Variants in CACFD1 observed in about 807,000 individuals in gnomAD.
CACFD1 encodes the protein calcium channel flower domain containing 1.
In CACFD1, 26 loss-of-function variants were observed where a neutral mutation model predicts 21.3. The observed-to-expected ratio is 1.22, with a 90% CI of 0.89 to 1.69. CACFD1 has a LOEUF of 1.69. Ranked by LOEUF, CACFD1 falls within the 40% of genes most tolerant of loss-of-function variation. The pLI, the probability that CACFD1 is intolerant of heterozygous loss-of-function variation, is 0.00. For synonymous variants in CACFD1, 121 were observed against 106.6 expected, an observed-to-expected ratio of 1.13 and a Z score of -0.83; for missense variants, 265 against 236.2, an observed-to-expected ratio of 1.12 and a Z score of -0.80.
chr9:133,466,970 T>C (rs1843462336), intron 3 of CACFD1, among the ~76,000 whole-genome samples: 1 of 152,258 alleles, frequency 6.6e-6, no homozygotes, highest in African/African-American at 2.4e-5. Context: ...TTCCAGGCTC[T>C]TGTTTGCCTT....
In CACFD1 at chr9:133,462,465, A is replaced by G. The variant is rs1156676873; in HGVS notation, c.122-1018A>G. Among the ~76,000 whole-genome samples, 4 of 152,350 alleles carry G rather than the reference A, an allele frequency of 2.6e-5. No homozygotes were observed. In the East Asian group the frequency reaches 5.8e-4, roughly 22 times the overall value. On this transcript the variant is annotated intron_variant, in intron 1 of 4. Transcript: ENST00000316948. ...TCTGGCTTCTTTGCCTGCTGTCTGC[A>G]TAAGGTTACCTGGGAAAATGGAAAA... is the stretch of plus-strand genomic sequence containing the variant.
At chr9:133,462,512 T>A (rs1843263968) in intron 1 of CACFD1, among the ~76,000 whole-genome samples, 1 of 152,188 alleles carries the variant, frequency 6.6e-6, no homozygotes, top group Non-Finnish European at 1.5e-5. Context: ...CAGACCCAGG[T>A]GGAGGGATCA....
chr9:133,460,477 G>GGGGGCGGCGGGGGCGGGGGGGC (rs1843133255), intron 1 of CACFD1, among the ~76,000 whole-genome samples: 1 of 151,360 alleles, frequency 6.6e-6, no homozygotes, highest in Non-Finnish European at 1.5e-5. Flanking sequence ...GGGGCGGCGG[G>GGGGGCGGCGGGGGCGGGGGGGC]GGCGGGGGTG....
chr9:133,467,343 C>G (rs1015341390), intron 3 of CACFD1, among the ~76,000 whole-genome samples: 2 of 152,192 alleles, frequency 1.3e-5, no homozygotes, highest in Non-Finnish European at 2.9e-5. Flanking sequence ...AAGGTCTGGG[C>G]CGACCCCGCA....
chr9:133,463,459 C>T (rs1228317635), intron 1 of CACFD1, 24 bp from the exon 2 acceptor site: 1 of 1,613,766 alleles, frequency 6.2e-7, no homozygotes, highest in Admixed American at 1.7e-5. Flanking sequence ...CCTGCTGACT[C>T]CTGCCCGTGT....
chr9:133,462,053 TG>T, intron 1 of CACFD1: 1 of 1,290,812 alleles, frequency 7.7e-7, no homozygotes, highest in Admixed American at 2.3e-5. Flanking sequence ...GGCCCCCAAG[TG>T]GACATCCTCC....
At chr9:133,464,355 G>C (rs918917149) in intron 2 of CACFD1, among the ~76,000 whole-genome samples, 2 of 152,216 alleles carry the variant, frequency 1.3e-5, no homozygotes, top group Non-Finnish European at 1.5e-5. Flanking sequence ...GGGATGGACA[G>C]AGAGGCGCCC....
chr9:133,465,728 A>C lies in CACFD1; in HGVS notation c.320+281A>C. ...ATCCGTGCAGTGGAGAGAAAGTGGG[A>C]AGCGTCTGGAATTTTGGTCCGTCCA... is the stretch of plus-strand genomic sequence containing the variant. On this transcript the variant is annotated intron_variant, in intron 3 of 4. Transcript: ENST00000316948. This position sits in a 1 kb window ranked among gnomAD's most constrained non-coding sequence, Gnocchi z 5.0. The C allele has an allele frequency of 2.7e-6, 1 of 366,646 alleles. No individual in the cohort carries two copies. The highest frequency in any genetic ancestry group is 3.8e-5 in the South Asian group (1 of 26,632). 22.7% of individuals were successfully genotyped at this position (366,646 alleles called of 1,614,324 possible).
At position 133,468,798 on chromosome 9, in the gene CACFD1, G is replaced by T; in HGVS notation, c.*145G>T. On this transcript the variant is annotated 3_prime_UTR_variant, in exon 5 of 5. Transcript: ENST00000316948. ...CTGGAGTCCTCTGCTCCTTTCTCCAGACTGGCTTAAGCCAGGAGCCACTGG... is the reference window on the plus strand; with the variant it reads ...CTGGAGTCCTCTGCTCCTTTCTCCATACTGGCTTAAGCCAGGAGCCACTGG... The T allele has an allele frequency of 7.2e-7, 1 of 1,385,912 alleles. No homozygotes were observed. Among genetic ancestry groups the T allele is most frequent in the South Asian group, 1.5e-5 (1 of 66,510 alleles). The allele number at this position is 1,385,912 out of a possible 1,614,324, so 85.9% of individuals were successfully genotyped here.
chr9:133,467,590 G>A (rs1292038817), intron 3 of CACFD1, among the ~76,000 whole-genome samples: 2 of 152,218 alleles, frequency 1.3e-5, no homozygotes, highest in Non-Finnish European at 2.9e-5. Flanking sequence ...TCCTGGATGG[G>A]AAGCCAGATT....
chr9:133,462,045 C>T (rs782445044), intron 1 of CACFD1: 16 of 1,285,066 alleles, frequency 1.2e-5, no homozygotes, highest in Non-Finnish European at 1.6e-5. Context: ...AGCATTGAGG[C>T]CCCCAAGTGG....
chr9:133,466,588 C>T (rs1843446344), intron 3 of CACFD1, among the ~76,000 whole-genome samples: 1 of 145,590 alleles, frequency 6.9e-6, no homozygotes, highest in South Asian at 2.2e-4. Flanking sequence ...CATGTGTCTG[C>T]TAAAACTTTT....
chr9:133,460,022 C>T lies in CACFD1; in HGVS notation c.-45C>T. The T allele has an allele frequency of 1.3e-6, 2 of 1,501,496 alleles. No homozygotes were observed. The highest frequency in any genetic ancestry group is 1.8e-6 in the Non-Finnish European group (2 of 1,125,756). The allele number at this position is 1,501,496 out of a possible 1,614,324, so 93.0% of individuals were successfully genotyped here. ...GCGCCGGCTCGGACGCGGCCGGCTA[C>T]CGAGCCCTTTGTGAGGGCTGTGAGC... is the stretch of plus-strand genomic sequence containing the variant. On this transcript the variant is annotated 5_prime_UTR_variant, in exon 1 of 5. Transcript: ENST00000316948.
In CACFD1 at chr9:133,463,645, T is replaced by A. The variant is rs961913870; in HGVS notation, c.194+90T>A. 6 of 1,359,774 alleles carry A rather than the reference T, an allele frequency of 4.4e-6. No individual in the cohort carries two copies. In the African/African-American group the frequency reaches 8.6e-5, roughly 19 times the overall value. The allele number at this position is 1,359,774 out of a possible 1,614,324, so 84.2% of individuals were successfully genotyped here. A position where few individuals can be genotyped will look rare whatever the true frequency, so the allele number is the denominator to read the frequency against. The stretch of plus-strand genomic sequence containing the variant: ...CGGGACAGAGGAGTGGCAGGGGCCG[T>A]GGGAGTGGGCATCCTTGTGGTTGCC... On this transcript the variant is annotated intron_variant, in intron 2 of 4. Transcript: ENST00000316948.
chr9:133,460,039 G>C lies in CACFD1; in HGVS notation c.-28G>C, dbSNP rs1346991618. The stretch of plus-strand genomic sequence containing the variant: ...GCCGGCTACCGAGCCCTTTGTGAGG[G>C]CTGTGAGCTGCGCCTGACGGTGGCA... On this transcript the variant is annotated 5_prime_UTR_variant, in exon 1 of 5. Transcript: ENST00000316948. 1 of 1,538,042 alleles carries C rather than the reference G, an allele frequency of 6.5e-7. No homozygotes were observed. The highest frequency in any genetic ancestry group is 1.2e-5 in the South Asian group (1 of 83,856).
At chr9:133,463,592 G>A in intron 2 of CACFD1, 37 bp downstream of exon 2, 1 of 1,610,042 alleles carries the variant, frequency 6.2e-7, no homozygotes, top group Non-Finnish European at 8.5e-7. Context: ...CGGGGGTCTT[G>A]CTGGTCGGGA....
chr9:133,466,179 T>C (rs1843428695), intron 3 of CACFD1, among the ~76,000 whole-genome samples: 1 of 152,204 alleles, frequency 6.6e-6, no homozygotes, highest in Non-Finnish European at 1.5e-5. Flanking sequence ...TTGTGCCATA[T>C]CTAAATCACG....
chr9:133,465,651 G>T lies in CACFD1; in HGVS notation c.320+204G>T. ...TTCTGCGCCCAGGAACTCAGCTGTC[G>T]CTGTGCCGTAGTCACTGGAAGGTTC... On this transcript the variant is annotated intron_variant, in intron 3 of 4. Transcript: ENST00000316948. This position sits in a 1 kb window ranked among gnomAD's most constrained non-coding sequence, Gnocchi z 5.0. 1.7e-6 allele frequency: 1 copy of T among 586,630 alleles called. No homozygotes were observed. The highest frequency in any genetic ancestry group is 3.0e-6 in the Non-Finnish European group (1 of 331,812). The allele number at this position is 586,630 out of a possible 1,614,324, so 36.3% of individuals were successfully genotyped here. A position where few individuals can be genotyped will look rare whatever the true frequency, so the allele number is the denominator to read the frequency against.
In CACFD1 at chr9:133,468,953, C is replaced by A; in HGVS notation, c.*300C>A. ...ACACCACAGACAGGGCTGCCTGTGA[C>A]CTGCTGTGACCTGGGAGCAGCTTCC... is the stretch of plus-strand genomic sequence containing the variant. On this transcript the variant is annotated 3_prime_UTR_variant, in exon 5 of 5. Transcript: ENST00000316948. The A allele has an allele frequency of 2.4e-6, 1 of 419,488 alleles. No homozygotes were observed. The allele number at this position is 419,488 out of a possible 1,614,324, so 26.0% of individuals were successfully genotyped here.
Sources: allele counts gnomAD v4.1 joint callset (sites outside exome capture counted in the v4.1 genomes callset), GRCh38; gene constraint gnomAD v4.1.1; non-coding constraint Gnocchi (gnomAD v3.1); transcripts MANE v1.5; gene names NCBI Gene and HGNC (gene_info 2026-07-23, HGNC 2026-07-21).